Variants in AGBL1 observed in about 807,000 individuals in gnomAD.
AGBL1 encodes cytosolic carboxypeptidase 4.
In AGBL1, 130 loss-of-function variants were observed where a neutral mutation model predicts 118.9. That is an observed-to-expected ratio of 1.09 (90% CI 0.95 to 1.26). AGBL1 has a LOEUF of 1.26. AGBL1 is among the 50% of genes most tolerant of loss of function. The pLI is 0.00. For synonymous variants in AGBL1, 555 were observed against 478.9 expected (o/e 1.16, Z -2.08); for missense variants, 1,584 against 1,298.1 (o/e 1.22, Z -3.38).
At chr15:86,188,417 A>G (rs905546279) in intron 5 of AGBL1, among the ~76,000 whole-genome samples, 38 of 152,050 alleles carry the variant, frequency 2.5e-4, no homozygotes, top group African/African-American at 8.7e-4. Flanking sequence ...AAAAAAAAAG[A>G]CTGTTGATAA....
chr15:86,306,122 G>T (rs1448196302), intron 17 of AGBL1, among the ~76,000 whole-genome samples: 1 of 151,980 alleles, frequency 6.6e-6, no homozygotes, highest in East Asian at 1.9e-4. Context: ...CATGGACAAT[G>T]GGACATCCAT....
Position 86,267,070 on chromosome 15 carries a change from T to G in AGBL1, c.1832T>G (p.Val611Gly), listed in dbSNP as rs1267192442. Residue 611 changes from valine (V) to glycine (G), a missense_variant, in exon 13 of 23, where the codon GTG (valine) becomes GGG (glycine). Physicochemically the swap from Val to Gly is moderately radical, Grantham distance 109 (BLOSUM62 -3). Transcript: ENST00000614907. ...ESGNLRKAIQ[V>G]REFEYDLLVN... ...GGAAATCTTCGCAAAGCCATCCAAGTGCGTGAGTAAGTAAGGAAAACCACA... is the reference window on the plus strand; with the variant it reads ...GGAAATCTTCGCAAAGCCATCCAAGGGCGTGAGTAAGTAAGGAAAACCACA... 1.3e-6 allele frequency: 2 copies of G among 1,560,750 alleles called. No individual in the cohort carries two copies. The highest frequency in any genetic ancestry group is 1.7e-6 in the Non-Finnish European group (2 of 1,151,450).
intron 24 of AGBL1, among the ~76,000 whole-genome samples, chr15:87,018,530 G>A (rs1042592892): frequency 6.6e-6 from 1 of 152,086 alleles, no homozygotes; most frequent in Non-Finnish European, 1.5e-5. Flanking sequence ...AAGAAAAGGA[G>A]ATATAAGATC....
chr15:86,383,275 A>AAAATT (rs544397935), intron 17 of AGBL1, among the ~76,000 whole-genome samples: 1 of 118,892 alleles, frequency 8.4e-6, no homozygotes, highest in African/African-American at 3.2e-5. Flanking sequence ...AAAAAAAAAA[A>AAAATT]TCCTAATTGC....
intron 17 of AGBL1, among the ~76,000 whole-genome samples, chr15:86,306,800 C>G (rs1271838637): frequency 1.3e-5 from 2 of 152,220 alleles, no homozygotes; most frequent in African/African-American, 4.8e-5. Flanking sequence ...CAAGGATTCC[C>G]TTTTCTCCAT....
chr15:86,899,673 A>C (rs891689405), intron 22 of AGBL1, among the ~76,000 whole-genome samples: 1 of 152,158 alleles, frequency 6.6e-6, no homozygotes, highest in East Asian at 1.9e-4. Context: ...CATGAAGACA[A>C]TTCATCTGAA....
chr15:86,526,542 G>GTATATATATATATATA (rs1261876704), intron 19 of AGBL1, among the ~76,000 whole-genome samples: 1 of 41,436 alleles, frequency 2.4e-5, no homozygotes, highest in African/African-American at 6.5e-5. Context: ...GTTTGTGTCT[G>GTATATATATATATATA]TGTATATATA....
chr15:86,583,018 A>G (rs975962069), intron 21 of AGBL1, among the ~76,000 whole-genome samples: 7 of 151,866 alleles, frequency 4.6e-5, no homozygotes, highest in African/African-American at 1.7e-4. Context: ...TAATAACAAT[A>G]AAAAAAAGTT....
chr15:86,312,297 T>G (rs1469034312), intron 17 of AGBL1: 1 of 152,192 alleles, frequency 6.6e-6, no homozygotes, highest in African/African-American at 2.4e-5. Context: ...CAGGCAAAGT[T>G]GTAGAAAGGA....
intron 6 of AGBL1, among the ~76,000 whole-genome samples, chr15:86,228,936 G>T (rs1845179736): frequency 6.6e-6 from 1 of 152,102 alleles, no homozygotes; most frequent in Non-Finnish European, 1.5e-5. Context: ...TGTCTATGTA[G>T]GCTGGAATGG....
At chr15:87,028,881 A>G (rs1262195232) in exon 25 of AGBL1, 4 of 1,583,010 alleles carry the variant, frequency 2.5e-6, no homozygotes, top group African/African-American at 1.4e-5. Context: ...AGTTCATGCC[A>G]TGTGCCCAGC....
intron 22 of AGBL1, among the ~76,000 whole-genome samples, chr15:86,768,313 G>A (rs942598259): frequency 3.3e-5 from 5 of 151,716 alleles, no homozygotes; most frequent in African/African-American, 4.8e-5. Context: ...ATAATATAAC[G>A]TAATGTAACG....
At chr15:86,860,577 AT>A (rs1449545179) in intron 22 of AGBL1, among the ~76,000 whole-genome samples, 1 of 152,150 alleles carries the variant, frequency 6.6e-6, no homozygotes, top group Non-Finnish European at 1.5e-5. Context: ...CCATCCAGAC[AT>A]GTTGGTACTA....
chr15:86,248,764 G>T (rs7178601), intron 7 of AGBL1, among the ~76,000 whole-genome samples: 6,223 of 152,286 alleles, frequency 0.041, 146 homozygotes, highest in Middle Eastern at 0.075. Context: ...AGTAAGCAAA[G>T]AATCCAATGA....
At chr15:86,380,739 G>A (rs2081103484) in intron 17 of AGBL1, among the ~76,000 whole-genome samples, 1 of 152,172 alleles carries the variant, frequency 6.6e-6, no homozygotes, top group African/African-American at 2.4e-5. Flanking sequence ...TTAAAAATCT[G>A]TTTTATTTGG....
chr15:86,370,054 T>C (rs1410813676), intron 17 of AGBL1, among the ~76,000 whole-genome samples: 1 of 152,228 alleles, frequency 6.6e-6, no homozygotes, highest in Non-Finnish European at 1.5e-5. Context: ...CTTCCATCTC[T>C]ATCATAAAAA....
chr15:87,003,430 A>C (rs191126087), intron 24 of AGBL1, among the ~76,000 whole-genome samples: 1 of 151,148 alleles, frequency 6.6e-6, no homozygotes, highest in Non-Finnish European at 1.5e-5. Flanking sequence ...ATATTGGTCT[A>C]AAATTCTCTT....
intron 18 of AGBL1, among the ~76,000 whole-genome samples, chr15:86,445,357 G>A (rs556004024): frequency 1.8e-4 from 28 of 152,348 alleles, no homozygotes; most frequent in African/African-American, 6.7e-4. Flanking sequence ...GATTATAACA[G>A]GAAATACCTC....
At chr15:86,766,570 T>G (rs1596462867) in intron 22 of AGBL1, among the ~76,000 whole-genome samples, 2 of 151,960 alleles carry the variant, frequency 1.3e-5, no homozygotes, top group East Asian at 3.9e-4. Flanking sequence ...GGTCATATAA[T>G]TTTTTTTCTA....
Sources: gnomAD v4.1 joint callset for allele counts (sites outside exome capture counted in the v4.1 genomes callset) on GRCh38, gnomAD v4.1.1 for gene constraint, MANE v1.5 for transcripts, NCBI Gene and HGNC (gene_info 2026-07-23, HGNC 2026-07-21) for gene names.